STK32A: variants seen among roughly 807,000 people sequenced by gnomAD.
STK32A encodes the protein serine/threonine-protein kinase 32A.
In STK32A, 41 loss-of-function variants were observed where a neutral mutation model predicts 53.2. The ratio of observed to expected loss-of-function variants is 0.77; its 90% CI spans 0.60 to 1.00. The LOEUF is 1.00. Ranked by LOEUF, STK32A falls within the 50% of genes least tolerant of loss-of-function variation. STK32A has a pLI of 0.00. For synonymous variants in STK32A, 166 were observed against 162.8 expected (o/e 1.02, Z -0.15); for missense variants, 458 against 485.8 (o/e 0.94, Z 0.54).
chr5:147,347,759 C>G (rs552372364), intron 6 of STK32A, among the ~76,000 whole-genome samples: 23 of 152,156 alleles, frequency 1.5e-4, no homozygotes, highest in Non-Finnish European at 2.6e-4. Flanking sequence ...TGTGATCCAG[C>G]AGTCAAATTT....
intron 8 of STK32A, 24 bp downstream of exon 8, chr5:147,361,638 T>C: frequency 1.3e-6 from 2 of 1,508,334 alleles, no homozygotes; most frequent in South Asian, 2.3e-5. Context: ...ATTTCCTCTT[T>C]GGTTATTTTT....
chr5:147,244,695 T>C (rs1753711500), intron 2 of STK32A, among the ~76,000 whole-genome samples: 1 of 152,174 alleles, frequency 6.6e-6, no homozygotes. Context: ...AAGAAAAGTC[T>C]CCAAACCTAA....
At chr5:147,397,373 A>T in the STK32A span, among the ~76,000 whole-genome samples, 12 of 152,056 alleles carry the variant, frequency 7.9e-5, no homozygotes, top group African/African-American at 1.2e-4. Flanking sequence ...TTTATTTTTT[A>T]AAAAAATACA....
rs778750852 is a variant in STK32A, at chr5:147,239,624, C to A, written c.-11C>A. The A allele has an allele frequency of 1.2e-6, 2 of 1,602,888 alleles. No homozygotes were observed. Among genetic ancestry groups the A allele is most frequent in the South Asian group, 1.1e-5 (1 of 88,640 alleles). ...TATAAATCGAGGATCCAGGTCTGGG[C>A]AGATTCAACCATGGGAGCGAACACT... On this transcript the variant is annotated 5_prime_UTR_variant, in exon 2 of 13. Coordinates refer to ENST00000397936, the MANE Select transcript of STK32A (RefSeq NM_001112724.2).
In STK32A at chr5:147,270,926, T is replaced by G. The variant is rs186587415; in HGVS notation, c.53-7198T>G. 2.5e-3 allele frequency among the ~76,000 whole-genome samples: 386 copies of G among 152,294 alleles called. 3 individuals carry two copies. The highest frequency in any genetic ancestry group is 9.0e-3 in the African/African-American group (376 of 41,566). ...ATATTCTTTGCCCAGCATTTCTACT[T>G]TTATCAACTTTGCTTGTAAACAGAC... On this transcript the variant is annotated intron_variant, in intron 2 of 12. Transcript: ENST00000397936.
chr5:147,292,751 C>T (rs1172447048), intron 4 of STK32A, among the ~76,000 whole-genome samples: 6 of 152,058 alleles, frequency 3.9e-5, no homozygotes, highest in Non-Finnish European at 8.8e-5. Context: ...ATCCCAGCTA[C>T]TCGGGAGGCT....
intron 2 of STK32A, among the ~76,000 whole-genome samples, chr5:147,272,885 C>T (rs1755101034): frequency 6.6e-6 from 1 of 152,152 alleles, no homozygotes; most frequent in African/African-American, 2.4e-5. Flanking sequence ...AGCTGGTGTC[C>T]TCGTTGCCTG....
At chr5:147,315,971 C>A (rs1047153074) in intron 4 of STK32A, among the ~76,000 whole-genome samples, 14 of 152,174 alleles carry the variant, frequency 9.2e-5, no homozygotes, top group Admixed American at 7.9e-4. Context: ...CAGTTTGTGG[C>A]ATAACCACAC....
At chr5:147,341,090 A>C (rs1282226860) in intron 5 of STK32A, among the ~76,000 whole-genome samples, 1 of 152,228 alleles carries the variant, frequency 6.6e-6, no homozygotes. Flanking sequence ...ATCCACAGCA[A>C]TTAATTTCTC....
chr5:147,339,756 C>T (rs1033645207), intron 5 of STK32A, among the ~76,000 whole-genome samples: 2 of 152,250 alleles, frequency 1.3e-5, no homozygotes, highest in African/African-American at 2.4e-5. Flanking sequence ...TAAGATTATA[C>T]TGCCCTGCTG....
chr5:147,271,214 A>C (rs190433812), intron 2 of STK32A, among the ~76,000 whole-genome samples: 1 of 152,280 alleles, frequency 6.6e-6, no homozygotes, highest in East Asian at 1.9e-4. Context: ...ATACTTTTAT[A>C]ATTTCTTATG....
intron 2 of STK32A, among the ~76,000 whole-genome samples, chr5:147,243,955 A>G (rs1451219026): frequency 1.3e-5 from 2 of 152,136 alleles, no homozygotes; most frequent in African/African-American, 4.8e-5. Context: ...CATTCACGTT[A>G]TCATACAACC....
intron 8 of STK32A, among the ~76,000 whole-genome samples, chr5:147,363,717 G>A (rs1288087706): frequency 6.6e-6 from 1 of 152,192 alleles, no homozygotes; most frequent in Non-Finnish European, 1.5e-5. Context: ...TCTAGCTTCT[G>A]TTGTGATAAC....
At chr5:147,239,728 G>T in intron 2 of STK32A, 42 bp downstream of exon 2, 1 of 1,511,278 alleles carries the variant, frequency 6.6e-7, no homozygotes, top group Non-Finnish European at 9.1e-7. Flanking sequence ...ATAGAATTTT[G>T]CAAAATTCAA....
chr5:147,327,572 G>T (rs768549791), intron 5 of STK32A, among the ~76,000 whole-genome samples: 1 of 152,198 alleles, frequency 6.6e-6, no homozygotes, highest in Non-Finnish European at 1.5e-5. Context: ...TCAGCACTAC[G>T]TGGAAGTAGG....
intron 4 of STK32A, among the ~76,000 whole-genome samples, chr5:147,308,213 T>C (rs547403077): frequency 6.6e-6 from 1 of 151,992 alleles, no homozygotes; most frequent in African/African-American, 2.4e-5. Context: ...CTTATTTATG[T>C]AGATATTCCT....
In STK32A at chr5:147,279,275, A is replaced by G; in HGVS notation, c.137A>G (p.Lys46Arg). 1 of 1,613,914 alleles carries G rather than the reference A, an allele frequency of 6.2e-7. No homozygotes were observed. Among genetic ancestry groups the G allele is most frequent in the Non-Finnish European group, 8.5e-7 (1 of 1,179,852 alleles). The change falls in exon 4 of 13, where the codon AAG becomes AGG. Residue 46 changes from lysine (K) to arginine (R), a missense_variant. Coordinates refer to ENST00000397936, the MANE Select transcript of STK32A (RefSeq NM_001112724.2). ...TGCATTGTACAGAAGAATGATACCA[A>G]GAAGATGTACGCAATGAAGTACATG... ...KVCIVQKNDT[K>R]KMYAMKYMNK...
chr5:147,387,217 C>T lies in STK32A; in HGVS notation c.*3234C>T, dbSNP rs1757696187. On this transcript the variant is annotated 3_prime_UTR_variant, in exon 13 of 13. Coordinates refer to ENST00000397936, the MANE Select transcript of STK32A (RefSeq NM_001112724.2). ...AGTAGATGCGTAGGGCAGTCAAACCCGGCAACTTATGCCACAACCCTAATT... is the reference window on the plus strand; with the variant it reads ...AGTAGATGCGTAGGGCAGTCAAACCTGGCAACTTATGCCACAACCCTAATT... 1 of 152,236 alleles carries T rather than the reference C, an allele frequency of 6.6e-6. No homozygotes were observed. Among genetic ancestry groups the T allele is most frequent in the African/African-American group, 2.4e-5 (1 of 41,456 alleles). The allele number at this position is 152,236 out of a possible 1,614,324, so 9.4% of individuals were successfully genotyped here.
chr5:147,336,872 A>C (rs1433838638), intron 5 of STK32A, among the ~76,000 whole-genome samples: 3 of 152,194 alleles, frequency 2.0e-5, no homozygotes, highest in African/African-American at 7.2e-5. Context: ...GCCCAATCTG[A>C]GAGACTGTTA....
Sources: allele counts gnomAD v4.1 joint callset (sites outside exome capture counted in the v4.1 genomes callset), GRCh38; gene constraint gnomAD v4.1.1; transcripts MANE v1.5; gene names NCBI Gene and HGNC (gene_info 2026-07-23, HGNC 2026-07-21).